Variants in CADPS observed in about 807,000 individuals in gnomAD.
The protein encoded by CADPS is calcium dependent secretion activator, also known as calcium-dependent secretion activator 1.
A neutral mutation model predicts 167.3 loss-of-function variants in CADPS; 57 were observed. The ratio of observed to expected loss-of-function variants is 0.34; its 90% CI spans 0.28 to 0.42. The LOEUF (loss-of-function observed/expected upper bound fraction) is 0.42. CADPS is among the 20% of genes least tolerant of loss of function. The probability of loss-of-function intolerance (pLI) is 1.00; values close to 1 mark genes in which losing one functional copy is unlikely to be tolerated. For synonymous variants in CADPS, 676 were observed against 635.3 expected (o/e 1.06, Z -0.96); for missense variants, 1,414 against 1,738.1 (o/e 0.81, Z 3.32).
intron 1 of CADPS, among the ~76,000 whole-genome samples, chr3:62,793,639 C>T (rs138598301): frequency 1.3e-5 from 2 of 152,152 alleles, no homozygotes; most frequent in Non-Finnish European, 1.5e-5. Flanking sequence ...GATGGGCTTA[C>T]TTTTGGAGGG....
chr3:62,417,222 T>G (rs1296673046), intron 28 of CADPS, among the ~76,000 whole-genome samples: 6 of 152,036 alleles, frequency 3.9e-5, no homozygotes, highest in Non-Finnish European at 8.8e-5. Context: ...AGAAGTCCGT[T>G]TAACTTTGTG....
chr3:62,468,565 C>G (rs1210955932), intron 24 of CADPS, among the ~76,000 whole-genome samples: 1 of 152,150 alleles, frequency 6.6e-6, no homozygotes, highest in Admixed American at 6.5e-5. Flanking sequence ...TCTTCAGGAG[C>G]TAGAAACTTC....
chr3:62,444,729 A>G (rs1203171112), intron 27 of CADPS, among the ~76,000 whole-genome samples: 1 of 152,214 alleles, frequency 6.6e-6, no homozygotes, highest in African/African-American at 2.4e-5. Context: ...CCAATTTTCT[A>G]TTTTGTCTTC....
intron 26 of CADPS, among the ~76,000 whole-genome samples, chr3:62,456,671 A>G: frequency 6.6e-6 from 1 of 151,990 alleles, no homozygotes; most frequent in Non-Finnish European, 1.5e-5. Flanking sequence ...CCCATGTGGT[A>G]CATATCCTGC....
intron 2 of CADPS, among the ~76,000 whole-genome samples, chr3:62,757,838 C>T (rs1247267621): frequency 5.3e-5 from 8 of 152,172 alleles, no homozygotes; most frequent in African/African-American, 9.7e-5. Flanking sequence ...AGCAAAGGCA[C>T]GTCTTATGTG....
At chr3:62,634,795 T>C (rs954749693) in intron 6 of CADPS, among the ~76,000 whole-genome samples, 6 of 152,206 alleles carry the variant, frequency 3.9e-5, no homozygotes, top group South Asian at 2.1e-4. Flanking sequence ...CATTAGATTG[T>C]GGGTGACATA....
At chr3:62,597,410 T>C (rs1472843022) in intron 6 of CADPS, among the ~76,000 whole-genome samples, 2 of 152,104 alleles carry the variant, frequency 1.3e-5, no homozygotes, top group African/African-American at 4.8e-5. Flanking sequence ...TACTTGGTCA[T>C]GGGGAAGAGA....
chr3:62,672,324 C>T (rs1356068149), intron 3 of CADPS, among the ~76,000 whole-genome samples: 3 of 152,154 alleles, frequency 2.0e-5, no homozygotes, highest in African/African-American at 4.8e-5. Context: ...CCATGAAGTA[C>T]GAATTTAACT....
At chr3:62,632,483 T>C (rs1456728220) in intron 6 of CADPS, among the ~76,000 whole-genome samples, 1 of 152,164 alleles carries the variant, frequency 6.6e-6, no homozygotes, top group Non-Finnish European at 1.5e-5. Flanking sequence ...GTTTTATCTG[T>C]TGGGAAGGGT....
chr3:62,639,706 C>G (rs2067032891), intron 6 of CADPS, among the ~76,000 whole-genome samples: 1 of 152,206 alleles, frequency 6.6e-6, no homozygotes. Context: ...TAAACTCCGC[C>G]AATAGCTTCT....
At chr3:62,558,589 T>A (rs1312276106) in intron 9 of CADPS, among the ~76,000 whole-genome samples, 3 of 152,204 alleles carry the variant, frequency 2.0e-5, no homozygotes, top group African/African-American at 7.2e-5. Flanking sequence ...GTCTCTTCTA[T>A]AGTGAGATTT....
At chr3:62,741,964 C>T (rs1455879935) in intron 3 of CADPS, among the ~76,000 whole-genome samples, 1 of 152,110 alleles carries the variant, frequency 6.6e-6, no homozygotes, top group African/African-American at 2.4e-5. Flanking sequence ...AAATCACTAG[C>T]ATTTCTTACA....
At chr3:62,550,324 T>C (rs1008779396) in intron 10 of CADPS, among the ~76,000 whole-genome samples, 1 of 152,128 alleles carries the variant, frequency 6.6e-6, no homozygotes, top group African/African-American at 2.4e-5. Flanking sequence ...ATCTTATCTT[T>C]TTGTGTCCTG....
At chr3:62,819,409 T>TGC (rs1287709683) in intron 1 of CADPS, among the ~76,000 whole-genome samples, 2 of 61,266 alleles carry the variant, frequency 3.3e-5, no homozygotes, top group Non-Finnish European at 8.2e-5. Flanking sequence ...TCTGTGTGCG[T>TGC]GTGTGTGTGT....
chr3:62,698,066 A>G (rs7648226), intron 3 of CADPS, among the ~76,000 whole-genome samples: 83,054 of 151,752 alleles, frequency 0.55, 24,291 homozygotes, highest in East Asian at 0.89. Flanking sequence ...TCTGCTGACT[A>G]TTCCTTTTAC....
intron 1 of CADPS, among the ~76,000 whole-genome samples, chr3:62,827,149 C>G (rs1009891426): frequency 3.3e-4 from 50 of 152,224 alleles, no homozygotes; most frequent in African/African-American, 1.2e-3. Flanking sequence ...TGATTCCCCC[C>G]ACCCAGGTGT....
At chr3:62,566,593 G>A (rs1405543487) in intron 9 of CADPS, among the ~76,000 whole-genome samples, 1 of 151,864 alleles carries the variant, frequency 6.6e-6, no homozygotes, top group Admixed American at 6.5e-5. Context: ...TAGGGGAGAA[G>A]AAAAAATGGA....
intron 2 of CADPS, among the ~76,000 whole-genome samples, chr3:62,762,967 A>T (rs149270331): frequency 0.021 from 3,188 of 152,142 alleles, 58 homozygotes; most frequent in South Asian, 0.063. Context: ...AGTGTGTGTG[A>T]ATGTGAAAGA....
intron 28 of CADPS, among the ~76,000 whole-genome samples, chr3:62,418,056 G>A (rs1321484002): frequency 6.6e-6 from 1 of 151,834 alleles, no homozygotes; most frequent in South Asian, 2.1e-4. Flanking sequence ...TATATATCGG[G>A]CACTATTCTA....
Sources: allele counts gnomAD v4.1 joint callset (sites outside exome capture counted in the v4.1 genomes callset), GRCh38; gene constraint gnomAD v4.1.1; transcripts MANE v1.5; gene names NCBI Gene and HGNC (gene_info 2026-07-23, HGNC 2026-07-21).